Variants in SAMMSON observed in about 807,000 individuals in gnomAD.
SAMMSON encodes survival associated mitochondrial melanoma specific oncogenic non-coding RNA.
At chr3:70,343,392 TGTGA>T (rs1702726683) in intron 7 of SAMMSON, among the ~76,000 whole-genome samples, 1 of 152,174 alleles carries the variant, frequency 6.6e-6, no homozygotes, top group Admixed American at 6.6e-5. Context: ...TCCTCTTTAC[TGTGA>T]GTGTTTTCAA....
intron 4 of SAMMSON, among the ~76,000 whole-genome samples, chr3:70,182,571 C>T (rs1701061803): frequency 6.6e-6 from 1 of 152,098 alleles, no homozygotes; most frequent in African/African-American, 2.4e-5. Context: ...TCATTTTCCC[C>T]CTCCGAAGAC....
At chr3:70,004,970 T>C (rs2066920442) in intron 1 of SAMMSON, among the ~76,000 whole-genome samples, 1 of 152,204 alleles carries the variant, frequency 6.6e-6, no homozygotes, top group Non-Finnish European at 1.5e-5. Flanking sequence ...GGGGAACTGC[T>C]TTATCCAGCA....
At chr3:70,255,236 G>T (rs895231506) in intron 6 of SAMMSON, among the ~76,000 whole-genome samples, 3 of 152,168 alleles carry the variant, frequency 2.0e-5, no homozygotes, top group Non-Finnish European at 4.4e-5. Flanking sequence ...AAGATGAATA[G>T]TAGCTTAGTG....
At chr3:70,014,926 T>A (rs1334327254) in intron 3 of SAMMSON, 3 of 152,102 alleles carry the variant, frequency 2.0e-5, no homozygotes, top group East Asian at 3.9e-4. Flanking sequence ...CTTAGATAGA[T>A]CTTACGAACT....
intron 9 of SAMMSON, among the ~76,000 whole-genome samples, chr3:70,364,160 A>G (rs541008886): frequency 6.7e-4 from 102 of 151,874 alleles, no homozygotes; most frequent in African/African-American, 2.4e-3. Context: ...TATTTCTACA[A>G]TTAAACCTTT....
intron 2 of SAMMSON, among the ~76,000 whole-genome samples, chr3:70,395,514 T>C (rs886629380): frequency 4.6e-5 from 7 of 152,108 alleles, no homozygotes; most frequent in African/African-American, 1.7e-4. Context: ...AGTTTTTGCC[T>C]AAATTCAAAA....
At chr3:70,136,946 T>A (rs1318167920) in intron 4 of SAMMSON, among the ~76,000 whole-genome samples, 1 of 152,194 alleles carries the variant, frequency 6.6e-6, no homozygotes, top group Non-Finnish European at 1.5e-5. Context: ...AGTCTTTATG[T>A]GTATATGATA....
chr3:70,169,180 G>T (rs1272786614), intron 4 of SAMMSON, among the ~76,000 whole-genome samples: 1 of 152,048 alleles, frequency 6.6e-6, no homozygotes, highest in Non-Finnish European at 1.5e-5. Flanking sequence ...CTTTGGTTTT[G>T]CTTATATTGC....
intron 2 of SAMMSON, among the ~76,000 whole-genome samples, chr3:70,428,462 G>A (rs978844311): frequency 2.0e-5 from 3 of 152,116 alleles, no homozygotes; most frequent in Non-Finnish European, 4.4e-5. Flanking sequence ...TGATAACGGA[G>A]CAAAGACAAT....
At chr3:70,120,486 A>G (rs988793989) in intron 4 of SAMMSON, 4 of 152,166 alleles carry the variant, frequency 2.6e-5, no homozygotes, top group Non-Finnish European at 5.9e-5. Context: ...TTCTCGCCAT[A>G]CCATGATGGC....
At chr3:70,289,821 T>G (rs530097338) in intron 6 of SAMMSON, among the ~76,000 whole-genome samples, 6 of 152,188 alleles carry the variant, frequency 3.9e-5, no homozygotes, top group Admixed American at 6.5e-5. Flanking sequence ...CATCTTCCAT[T>G]GCTGATACCC....
At chr3:70,403,913 C>G (rs776689433) in intron 2 of SAMMSON, among the ~76,000 whole-genome samples, 6 of 152,078 alleles carry the variant, frequency 3.9e-5, no homozygotes, top group Admixed American at 6.6e-5. Flanking sequence ...ATTATTATCT[C>G]TATCAAATTT....
intron 4 of SAMMSON, among the ~76,000 whole-genome samples, chr3:70,133,530 G>C (rs190546576): frequency 2.0e-5 from 3 of 152,250 alleles, no homozygotes; most frequent in African/African-American, 7.2e-5. Flanking sequence ...TGAGCCCAAA[G>C]GGAGGTTATG....
At chr3:70,216,040 T>A (rs1007874777) in intron 4 of SAMMSON, among the ~76,000 whole-genome samples, 48 of 152,192 alleles carry the variant, frequency 3.2e-4, no homozygotes, top group African/African-American at 1.1e-3. Flanking sequence ...AAGATACAAA[T>A]AAATTAAAAT....
At chr3:70,185,417 G>T (rs948189717) in intron 4 of SAMMSON, among the ~76,000 whole-genome samples, 7 of 152,092 alleles carry the variant, frequency 4.6e-5, no homozygotes, top group Non-Finnish European at 7.4e-5. Context: ...CTATAATTAA[G>T]GGGGCATGTC....
At chr3:70,395,060 T>C (rs1575640479) in intron 2 of SAMMSON, among the ~76,000 whole-genome samples, 1 of 152,238 alleles carries the variant, frequency 6.6e-6, no homozygotes, top group East Asian at 1.9e-4. Context: ...ATCACCTGTT[T>C]GTTTCTGGTT....
At chr3:70,169,638 C>G (rs1221449360) in intron 4 of SAMMSON, among the ~76,000 whole-genome samples, 2 of 33,182 alleles carry the variant, frequency 6.0e-5, no homozygotes, top group African/African-American at 9.9e-5. Flanking sequence ...GAGGTCTTTT[C>G]TTTTTTCTTT....
At chr3:70,045,561 T>C (rs1015617300) in intron 3 of SAMMSON, among the ~76,000 whole-genome samples, 2 of 151,906 alleles carry the variant, frequency 1.3e-5, no homozygotes, top group East Asian at 1.9e-4. Flanking sequence ...AAAGTTGATA[T>C]ATATTTTCTT....
chr3:70,011,893 C>T (rs765855941), intron 1 of SAMMSON, among the ~76,000 whole-genome samples: 10 of 152,036 alleles, frequency 6.6e-5, no homozygotes, highest in Non-Finnish European at 1.5e-4. Flanking sequence ...AAAGAGAGAA[C>T]TGTGGAAACT....
Sources: gnomAD v4.1 joint callset for allele counts (sites outside exome capture counted in the v4.1 genomes callset) on GRCh38, gnomAD v4.1.1 for gene constraint, MANE v1.5 for transcripts, NCBI Gene and HGNC (gene_info 2026-07-23, HGNC 2026-07-21) for gene names.